Variants in RANBP9 observed in about 807,000 individuals in gnomAD.
The protein encoded by RANBP9 is RAN binding protein 9, also known as ran-binding protein 9.
RANBP9 carries 15 observed loss-of-function variants against 84.3 expected under a neutral mutation model. The observed-to-expected ratio is 0.18, with a 90% CI of 0.12 to 0.27. The LOEUF (loss-of-function observed/expected upper bound fraction) is 0.27, where lower values mean the gene tolerates loss of function less well. Among genes scored for constraint, RANBP9 ranks in the 10% least tolerant of loss-of-function variants. The pLI is 1.00. For synonymous variants in RANBP9, 392 were observed against 349.6 expected (o/e 1.12, Z -1.35); for missense variants, 809 against 912.8 (o/e 0.89, Z 1.46).
chr6:13,697,413 C>CTTTGGTATAGTCTT (rs1256527204), intron 1 of RANBP9, among the ~76,000 whole-genome samples: 1 of 152,136 alleles, frequency 6.6e-6, no homozygotes, highest in Non-Finnish European at 1.5e-5. Flanking sequence ...CAGTTTTGTT[C>CTTTGGTATAGTCTT]TTTGGTATAG....
At chr6:13,659,303 T>C (rs1584928083) in intron 2 of RANBP9, among the ~76,000 whole-genome samples, 1 of 149,500 alleles carries the variant, frequency 6.7e-6, no homozygotes, top group South Asian at 2.1e-4. Flanking sequence ...CACGGAAATA[T>C]GGATTCATAT....
chr6:13,630,420 TA>T (rs1403196366), intron 12 of RANBP9, among the ~76,000 whole-genome samples: 1 of 152,064 alleles, frequency 6.6e-6, no homozygotes, highest in Non-Finnish European at 1.5e-5. Context: ...AGTATAATCT[TA>T]AATTTTCAAA....
intron 11 of RANBP9, among the ~76,000 whole-genome samples, chr6:13,633,754 A>G (rs777822971): frequency 6.6e-5 from 10 of 152,250 alleles, no homozygotes; most frequent in Non-Finnish European, 7.3e-5. Context: ...TCTCAAAATA[A>G]TAAGAAATCT....
intron 2 of RANBP9, among the ~76,000 whole-genome samples, chr6:13,660,616 CTG>C (rs1765520298): frequency 1.3e-5 from 2 of 152,270 alleles, no homozygotes; most frequent in East Asian, 3.9e-4. Context: ...AGTTTTAAAA[CTG>C]AGCAAAATTA....
At chr6:13,708,888 GAA>G (rs1253927488) in intron 1 of RANBP9, among the ~76,000 whole-genome samples, 54 of 151,952 alleles carry the variant, frequency 3.6e-4, no homozygotes, top group African/African-American at 1.3e-3. Flanking sequence ...AGTAGAAAGG[GAA>G]AAAGACTTTC....
At chr6:13,627,113 ATAC>A (rs964307511) in intron 12 of RANBP9, among the ~76,000 whole-genome samples, 3 of 152,128 alleles carry the variant, frequency 2.0e-5, no homozygotes, top group Admixed American at 2.0e-4. Flanking sequence ...ATTATTTACT[ATAC>A]TATTTTGAAT....
At chr6:13,645,327 C>A in intron 5 of RANBP9, among the ~76,000 whole-genome samples, 1 of 151,256 alleles carries the variant, frequency 6.6e-6, no homozygotes, top group Non-Finnish European at 1.5e-5. Context: ...AAACACAAAA[C>A]CTCAAATATA....
chr6:13,643,033 G>A (rs1160274732), intron 6 of RANBP9, among the ~76,000 whole-genome samples: 1 of 152,104 alleles, frequency 6.6e-6, no homozygotes. Context: ...TAATGTTCCA[G>A]AGTTCAACCA....
intron 1 of RANBP9, among the ~76,000 whole-genome samples, chr6:13,698,798 A>ATT (rs1757901367): frequency 6.6e-6 from 1 of 152,188 alleles, no homozygotes; most frequent in East Asian, 1.9e-4. Flanking sequence ...AAACTCGCCC[A>ATT]AAGTCATACT....
At chr6:13,627,963 G>A (rs1764666131) in intron 12 of RANBP9, among the ~76,000 whole-genome samples, 1 of 151,848 alleles carries the variant, frequency 6.6e-6, no homozygotes, top group Non-Finnish European at 1.5e-5. Context: ...CATGTACCCT[G>A]GAACTTAAAG....
intron 1 of RANBP9, among the ~76,000 whole-genome samples, chr6:13,706,585 C>A (rs1758128880): frequency 6.7e-6 from 1 of 148,908 alleles, no homozygotes; most frequent in Admixed American, 6.7e-5. Context: ...CTCAGCTATT[C>A]AGGAGGCTGA....
rs1034968448 is a variant in RANBP9 at position 13,665,310 on chromosome 6, T to G, written c.684-6478A>C. Among the ~76,000 whole-genome samples the G allele has an allele frequency of 2.5e-4, 38 of 152,052 alleles. 1 individual carries two copies. Among genetic ancestry groups the G allele is most frequent in the African/African-American group, 8.9e-4 (37 of 41,414 alleles). On this transcript the variant is annotated intron_variant, in intron 2 of 13. Coordinates refer to ENST00000011619, the MANE Select transcript of RANBP9 (RefSeq NM_005493.3). ...AACAAAAGACATAGATGATCCAATTTTCAAAAATGAACAAAAGGTCTGAAT... is the reference window on the plus strand; with the variant it reads ...AACAAAAGACATAGATGATCCAATTGTCAAAAATGAACAAAAGGTCTGAAT...
chr6:13,710,930 A>G lies in RANBP9; in HGVS notation c.571+5T>C, dbSNP rs1187304975. 2 of 1,601,726 alleles carry G rather than the reference A, an allele frequency of 1.2e-6. No homozygotes were observed. Among genetic ancestry groups the G allele is most frequent in the African/African-American group, 1.3e-5 (1 of 74,216 alleles). ...CACTCCCACCGCAGGACACACGCCC[A>G]GTACCTTTGTAGTGCACCCGCAGGT... On this transcript the variant is annotated splice_donor_5th_base_variant and intron_variant, in intron 1 of 13. Transcript: ENST00000011619.
chr6:13,708,356 G>T (rs1383345433), intron 1 of RANBP9, among the ~76,000 whole-genome samples: 3 of 152,140 alleles, frequency 2.0e-5, no homozygotes, highest in Non-Finnish European at 4.4e-5. Context: ...AGCCTAGGAG[G>T]TCTAGACTGC....
chr6:13,655,762 G>C (rs920250655), intron 4 of RANBP9, among the ~76,000 whole-genome samples: 16 of 152,142 alleles, frequency 1.1e-4, no homozygotes, highest in African/African-American at 3.9e-4. Flanking sequence ...ACACCTAAAA[G>C]CAGATTTCTC....
chr6:13,705,069 G>A (rs1758067961), intron 1 of RANBP9, among the ~76,000 whole-genome samples: 1 of 152,064 alleles, frequency 6.6e-6, no homozygotes, highest in African/African-American at 2.4e-5. Flanking sequence ...ATGAAGAAAT[G>A]AACAGTGAAA....
chr6:13,660,572 C>T (rs929489230), intron 2 of RANBP9, among the ~76,000 whole-genome samples: 1 of 152,122 alleles, frequency 6.6e-6, no homozygotes, highest in African/African-American at 2.4e-5. Context: ...GATGTAGACA[C>T]ACATTTATAC....
In RANBP9 at chr6:13,657,280, A is replaced by C. The variant is rs1765421567; in HGVS notation, c.737-4T>G. 6.2e-7 allele frequency: 1 copy of C among 1,608,308 alleles called. No individual in the cohort carries two copies. The highest frequency in any genetic ancestry group is 2.2e-5 in the East Asian group (1 of 44,790). On this transcript the variant is annotated splice_region_variant and splice_polypyrimidine_tract_variant and intron_variant, in intron 3 of 13. Coordinates refer to ENST00000011619, the MANE Select transcript of RANBP9 (RefSeq NM_005493.3). ...CCATATGAATGCTTATCCCAACCTA[A>C]GGAGAAAGTTCCGGCATATTTACAA...
At chr6:13,652,791 T>C in intron 4 of RANBP9, 110 bp from the exon 5 acceptor site, 1 of 906,810 alleles carries the variant, frequency 1.1e-6, no homozygotes, top group South Asian at 1.7e-5. Flanking sequence ...GAAAAAAACA[T>C]TAAAGCCTAA....
Sources: gnomAD v4.1 joint callset for allele counts (sites outside exome capture counted in the v4.1 genomes callset) on GRCh38, gnomAD v4.1.1 for gene constraint, MANE v1.5 for transcripts, NCBI Gene and HGNC (gene_info 2026-07-23, HGNC 2026-07-21) for gene names.